CNTN5: variants seen among roughly 807,000 people sequenced by gnomAD.
CNTN5 encodes contactin-5.
A neutral mutation model predicts 129.1 loss-of-function variants in CNTN5; 77 were observed. The observed-to-expected ratio is 0.60, with a 90% CI of 0.50 to 0.72. CNTN5 has a LOEUF of 0.72. Ranked by LOEUF, CNTN5 falls within the 30% of genes least tolerant of loss-of-function variation. The pLI, the probability that CNTN5 is intolerant of heterozygous loss-of-function variation, is 0.00. For missense variants in CNTN5, 1,478 were observed against 1,328.8 expected, an observed-to-expected ratio of 1.11 and a Z score of -1.75; for synonymous variants, 509 against 465.6, an observed-to-expected ratio of 1.09 and a Z score of -1.20.
chr11:100,292,954 G>A (rs1005305689), intron 18 of CNTN5, among the ~76,000 whole-genome samples: 1 of 151,750 alleles, frequency 6.6e-6, no homozygotes. Context: ...GTTGACATTT[G>A]TATTTTCACA....
intron 2 of CNTN5, among the ~76,000 whole-genome samples, chr11:99,366,179 T>C (rs1681248028): frequency 6.6e-6 from 1 of 152,144 alleles, no homozygotes; most frequent in Admixed American, 6.6e-5. Context: ...ATTTTGTTTC[T>C]CTGTTTCATA....
chr11:99,120,504 C>G (rs151098326), intron 1 of CNTN5: 109 of 152,292 alleles, frequency 7.2e-4, no homozygotes, highest in African/African-American at 2.6e-3. Flanking sequence ...AACGGAGGAC[C>G]ACTGCATTCT....
chr11:99,946,666 A>G (rs1225434325), intron 7 of CNTN5, among the ~76,000 whole-genome samples: 1 of 152,134 alleles, frequency 6.6e-6, no homozygotes, highest in Non-Finnish European at 1.5e-5. Context: ...CCATGTATCC[A>G]TAGTATGTAT....
chr11:99,773,515 G>C (rs1341996178), intron 3 of CNTN5, among the ~76,000 whole-genome samples: 1 of 151,764 alleles, frequency 6.6e-6, no homozygotes, highest in Admixed American at 6.6e-5. Flanking sequence ...CTAACCTAGG[G>C]TATGTTAGAC....
At chr11:100,111,365 T>G (rs960683004) in intron 13 of CNTN5, among the ~76,000 whole-genome samples, 2 of 151,974 alleles carry the variant, frequency 1.3e-5, no homozygotes, top group African/African-American at 4.8e-5. Flanking sequence ...AGGCAACATC[T>G]CAAAAAGGCA....
chr11:100,250,355 T>C (rs1224209956), intron 16 of CNTN5, among the ~76,000 whole-genome samples: 1 of 152,156 alleles, frequency 6.6e-6, no homozygotes, highest in African/African-American at 2.4e-5. Context: ...ATAACTCCTC[T>C]ATCCTTTCTT....
chr11:100,356,020 A>T, intron 24 of CNTN5, 97 bp from the exon 25 acceptor site: 1 of 755,288 alleles, frequency 1.3e-6, no homozygotes, highest in Non-Finnish European at 2.3e-6. Context: ...AACAGGAGCG[A>T]TCTTGCACTC....
intron 3 of CNTN5, among the ~76,000 whole-genome samples, chr11:99,585,669 A>C (rs958878406): frequency 1.3e-5 from 2 of 152,168 alleles, no homozygotes; most frequent in African/African-American, 4.8e-5. Context: ...CCAACTGTAA[A>C]TGGGCCCTAA....
At position 99,625,754 on chromosome 11, in the gene CNTN5, C is replaced by T. The variant is rs1591379544; in HGVS notation, c.55+69485C>T. On this transcript the variant is annotated intron_variant, in intron 3 of 24. Coordinates refer to ENST00000524871, the MANE Select transcript of CNTN5 (RefSeq NM_014361.4). ...GGTGAGGTAATGAAACTATTGACTCCTTTATCATATTCAATTAAAAAGATA... is the reference window on the plus strand; with the variant it reads ...GGTGAGGTAATGAAACTATTGACTCTTTTATCATATTCAATTAAAAAGATA... Among the ~76,000 whole-genome samples, 3 of 132,808 alleles carry T rather than the reference C, an allele frequency of 2.3e-5. No individual in the cohort carries two copies. In the East Asian group the frequency reaches 6.5e-4, roughly 29 times the overall value. The allele number at this position is 132,808 out of a possible 152,430, so 87.1% of individuals were successfully genotyped here.
intron 13 of CNTN5, among the ~76,000 whole-genome samples, chr11:100,134,344 T>A (rs748865000): frequency 5.3e-5 from 8 of 152,166 alleles, no homozygotes; most frequent in Non-Finnish European, 8.8e-5. Context: ...GTATTCTCGA[T>A]GAAATTCAGC....
intron 1 of CNTN5, among the ~76,000 whole-genome samples, chr11:99,202,541 A>G (rs1027476857): frequency 6.6e-6 from 1 of 152,200 alleles, no homozygotes; most frequent in Non-Finnish European, 1.5e-5. Flanking sequence ...GCTTTAATTA[A>G]CATTCTTAGT....
chr11:99,957,819 T>A lies in CNTN5; in HGVS notation c.877+810T>A, dbSNP rs568201481. 3.3e-5 allele frequency among the ~76,000 whole-genome samples: 5 copies of A among 152,150 alleles called. No homozygotes were observed. The South Asian group carries it at 1.0e-3, about 32-fold the overall frequency. ...TATGACCAGAGCTATATCACAAGAT[T>A]TTTGCTTACTACTTAGTTTATATAG... On this transcript the variant is annotated intron_variant, in intron 8 of 24. Transcript: ENST00000524871.
In CNTN5 at chr11:100,069,754, T is replaced by C. The variant is rs534250571; in HGVS notation, c.1163-670T>C. 8.5e-5 allele frequency among the ~76,000 whole-genome samples: 13 copies of C among 152,310 alleles called. No individual in the cohort carries two copies. In the East Asian group the frequency reaches 2.5e-3, roughly 29 times the overall value. On this transcript the variant is annotated intron_variant, in intron 10 of 24. Transcript: ENST00000524871. ...ATTTCTTTGACTGTTTTAAACAGAA[T>C]ATTTGTAAAGAAAGAGTCAGCTTTA... is the stretch of plus-strand genomic sequence containing the variant.
chr11:99,627,725 T>C (rs531791140), intron 3 of CNTN5, among the ~76,000 whole-genome samples: 5 of 151,986 alleles, frequency 3.3e-5, no homozygotes, highest in Non-Finnish European at 7.4e-5. Flanking sequence ...AAAGCTCTTA[T>C]GCACTTGTTG....
At chr11:99,804,401 T>C (rs992153699) in intron 3 of CNTN5, among the ~76,000 whole-genome samples, 23 of 152,030 alleles carry the variant, frequency 1.5e-4, no homozygotes, top group Non-Finnish European at 3.1e-4. Context: ...TTTAAAAAAT[T>C]AGATTTTTAA....
intron 3 of CNTN5, among the ~76,000 whole-genome samples, chr11:99,653,571 C>T (rs1332221280): frequency 6.6e-6 from 1 of 151,938 alleles, no homozygotes; most frequent in Non-Finnish European, 1.5e-5. Context: ...TCTATCAATA[C>T]TAAATGTAAA....
Position 99,493,404 on chromosome 11 carries a change from C to T in CNTN5, c.-70-62741C>T, listed in dbSNP as rs527288690. ...ACCCAACGAACAACTCCAATAAATG[C>T]CATGTGTATTTTCATTTTATAGGTC... On this transcript the variant is annotated intron_variant, in intron 2 of 24. Transcript: ENST00000524871. Among the ~76,000 whole-genome samples, 5 of 152,264 alleles carry T rather than the reference C, an allele frequency of 3.3e-5. No homozygotes were observed. The South Asian group carries it at 8.3e-4, about 25-fold the overall frequency.
chr11:99,928,513 A>G (rs571847942), intron 7 of CNTN5, among the ~76,000 whole-genome samples: 16 of 152,254 alleles, frequency 1.1e-4, no homozygotes, highest in African/African-American at 3.6e-4. Context: ...ACCTCTGTGT[A>G]CCTCCAGGCT....
At chr11:100,312,955 T>G (rs533726674) in intron 21 of CNTN5, among the ~76,000 whole-genome samples, 1 of 152,000 alleles carries the variant, frequency 6.6e-6, no homozygotes, top group Non-Finnish European at 1.5e-5. Context: ...AGATAAACTC[T>G]GATAACAATA....
Sources: allele counts gnomAD v4.1 joint callset (sites outside exome capture counted in the v4.1 genomes callset), GRCh38; gene constraint gnomAD v4.1.1; transcripts MANE v1.5; gene names NCBI Gene and HGNC (gene_info 2026-07-23, HGNC 2026-07-21).